MEIS3: variants seen among roughly 807,000 people sequenced by gnomAD.
MEIS3 encodes Meis homeobox 3.
A neutral mutation model predicts 51.4 loss-of-function variants in MEIS3; 38 were observed. The ratio of observed to expected loss-of-function variants is 0.74; its 90% CI spans 0.57 to 0.97. The LOEUF is 0.97. Among genes scored for constraint, MEIS3 ranks in the 50% least tolerant of loss-of-function variants. The pLI is 0.00. For synonymous variants in MEIS3, 198 were observed against 201.8 expected (o/e 0.98, Z 0.16); for missense variants, 456 against 502.6 (o/e 0.91, Z 0.89).
chr19:47,414,650 G>A (rs1220983664), intron 6 of MEIS3, 67 bp downstream of exon 6: 56 of 1,517,674 alleles, frequency 3.7e-5, no homozygotes, highest in Middle Eastern at 2.3e-4. Context: ...GTGCACATGC[G>A]CCCTCATGCG....
intron 7 of MEIS3, 45 bp from the exon 8 acceptor site, chr19:47,409,292 G>C (rs766798192): frequency 6.3e-7 from 1 of 1,588,180 alleles, no homozygotes; most frequent in Non-Finnish European, 8.6e-7. Context: ...GTGAAGAGTG[G>C]AGGACCAGAG....
At chr19:47,420,103 C>T (rs1005875928), upstream of MEIS3, among the ~76,000 whole-genome samples, 1 of 152,160 alleles carries the variant, frequency 6.6e-6, no homozygotes, top group African/African-American at 2.4e-5. Context: ...GGCTGTCCTG[C>T]GGTGAGGCTG....
At chr19:47,412,803 C>T (rs953970582) in intron 6 of MEIS3, among the ~76,000 whole-genome samples, 5 of 151,648 alleles carry the variant, frequency 3.3e-5, no homozygotes, top group African/African-American at 9.7e-5. Context: ...CTCCTGACCT[C>T]GTGATCTGCC....
At chr19:47,412,807 A>G (rs1971203305) in intron 6 of MEIS3, among the ~76,000 whole-genome samples, 1 of 151,222 alleles carries the variant, frequency 6.6e-6, no homozygotes, top group African/African-American at 2.4e-5. Flanking sequence ...TGACCTCGTG[A>G]TCTGCCCACC....
upstream of MEIS3, among the ~76,000 whole-genome samples, chr19:47,419,722 C>T (rs1407488361): frequency 2.6e-5 from 4 of 151,238 alleles, no homozygotes; most frequent in South Asian, 8.4e-4. Flanking sequence ...CCCCTCCTCT[C>T]CTACCCAGGG....
At chr19:47,405,781 C>T (rs897235158) in intron 12 of MEIS3, among the ~76,000 whole-genome samples, 1 of 152,020 alleles carries the variant, frequency 6.6e-6, no homozygotes, top group African/African-American at 2.4e-5. Context: ...AACTTCTGAC[C>T]TCAGGTGATC....
At chr19:47,417,747 T>C (rs561902738) in intron 1 of MEIS3, 1 of 669,514 alleles carries the variant, frequency 1.5e-6, no homozygotes, top group South Asian at 1.6e-5. Flanking sequence ...AAAGTACACA[T>C]ACGAAGCCTC....
At position 47,416,705 on chromosome 19, in the gene MEIS3, G is replaced by A. The variant is rs1450070577; in HGVS notation, c.346-3C>T. On this transcript the variant is annotated splice_polypyrimidine_tract_variant and splice_region_variant and intron_variant, in intron 3 of 12. Transcript: ENST00000558555. ...AAGAGGGGCCTCTCAGAGCGAACCT[G>A]GGAGGGAAGAGAGAGGCCGGCAGGG... 6.3e-7 allele frequency: 1 copy of A among 1,591,034 alleles called. No homozygotes were observed. Among genetic ancestry groups the A allele is most frequent in the South Asian group, 1.1e-5 (1 of 88,342 alleles).
At chr19:47,416,773 A>G in intron 3 of MEIS3, 31 bp downstream of exon 3, 1 of 1,612,626 alleles carries the variant, frequency 6.2e-7, no homozygotes, top group Non-Finnish European at 8.5e-7. Flanking sequence ...TGGCTCTCTG[A>G]CTCGGTGTGT....
At chr19:47,410,622 T>C (rs957338931) in intron 6 of MEIS3, among the ~76,000 whole-genome samples, 2 of 151,326 alleles carry the variant, frequency 1.3e-5, no homozygotes, top group African/African-American at 2.4e-5. Context: ...AAAAATTAGC[T>C]GGGCGTGGTG....
In MEIS3 at chr19:47,408,918, T is replaced by C. The variant is rs540246891; in HGVS notation, c.858+181A>G. 1.3e-3 allele frequency among the ~76,000 whole-genome samples: 195 copies of C among 152,236 alleles called. 1 individual carries two copies. Among genetic ancestry groups the C allele is most frequent in the Non-Finnish European group, 2.2e-3 (153 of 68,002 alleles). On this transcript the variant is annotated intron_variant, in intron 8 of 12. Coordinates refer to ENST00000558555, the MANE Select transcript of MEIS3 (RefSeq NM_001301059.2). Reference sequence around the variant, plus strand: ...TGAGTTAAGTGTCCTGAGCGGCACCTGCACTCAGGTGACACTCAGTGCTGC... The same window carrying C: ...TGAGTTAAGTGTCCTGAGCGGCACCCGCACTCAGGTGACACTCAGTGCTGC...
chr19:47,421,993 C>A (rs575088723), upstream of MEIS3, among the ~76,000 whole-genome samples: 2 of 152,040 alleles, frequency 1.3e-5, no homozygotes, highest in African/African-American at 4.8e-5. Context: ...GCCCCCTTCC[C>A]GTCCTCCCGC....
At chr19:47,405,555 G>C (rs1157832682) in intron 12 of MEIS3, among the ~76,000 whole-genome samples, 2 of 151,546 alleles carry the variant, frequency 1.3e-5, no homozygotes, top group African/African-American at 4.9e-5. Flanking sequence ...GATGGAGTGA[G>C]GGCTCAATTT....
chr19:47,413,541 T>G (rs1251097410), intron 6 of MEIS3, among the ~76,000 whole-genome samples: 1 of 152,080 alleles, frequency 6.6e-6, no homozygotes, highest in Non-Finnish European at 1.5e-5. Context: ...ACAGTAGGAT[T>G]GCCTGAGTGT....
At chr19:47,420,796 C>G (rs937118720), upstream of MEIS3, among the ~76,000 whole-genome samples, 2 of 147,852 alleles carry the variant, frequency 1.4e-5, no homozygotes, top group South Asian at 2.1e-4. Context: ...CGGCGGGGGA[C>G]GGAGGGAGCA....
chr19:47,407,785 CTG>C (rs1236928098), intron 8 of MEIS3: 3 of 453,398 alleles, frequency 6.6e-6, no homozygotes, highest in African/African-American at 6.1e-5. Flanking sequence ...GTCAGAGTCT[CTG>C]TGTGGCCCTC....
At chr19:47,416,463 A>G in intron 4 of MEIS3, 189 bp downstream of exon 4, 1 of 549,732 alleles carries the variant, frequency 1.8e-6, no homozygotes, top group Non-Finnish European at 3.2e-6. Flanking sequence ...CTGGGATTTG[A>G]ACTCGGGCCA....
intron 6 of MEIS3, among the ~76,000 whole-genome samples, chr19:47,411,373 G>T (rs1298504275): frequency 6.6e-6 from 1 of 151,818 alleles, no homozygotes; most frequent in Non-Finnish European, 1.5e-5. Flanking sequence ...TAACTAAGTG[G>T]AATAAATAAA....
intron 6 of MEIS3, among the ~76,000 whole-genome samples, chr19:47,410,183 C>T (rs1392303117): frequency 6.6e-6 from 1 of 152,046 alleles, no homozygotes; most frequent in Non-Finnish European, 1.5e-5. Flanking sequence ...CACAGTGGCT[C>T]ACACCTATAA....
Sources: allele counts gnomAD v4.1 joint callset (sites outside exome capture counted in the v4.1 genomes callset), GRCh38; gene constraint gnomAD v4.1.1; transcripts MANE v1.5; gene names NCBI Gene and HGNC (gene_info 2026-07-23, HGNC 2026-07-21).